The following PCDHGB6 variants were observed in gnomAD, a reference collection of about 807,000 sequenced individuals.
PCDHGB6 encodes the protein protocadherin gamma subfamily B, 6.
Under a neutral mutation model 59.1 loss-of-function variants are expected in PCDHGB6, and 51 were observed. The ratio of observed to expected loss-of-function variants is 0.86; its 90% CI spans 0.69 to 1.09. PCDHGB6 has a LOEUF of 1.09. Among genes scored for constraint, PCDHGB6 ranks in the 50% least tolerant of loss-of-function variants. The probability of loss-of-function intolerance (pLI) is 0.00; values close to 1 mark genes in which losing one functional copy is unlikely to be tolerated. For missense variants in PCDHGB6, 1,148 were observed against 1,205.1 expected (o/e 0.95, Z 0.70); for synonymous variants, 466 against 495.1 (o/e 0.94, Z 0.78).
chr5:141,433,162 A>G, intron 1 of PCDHGB6: 1 of 1,613,890 alleles, frequency 6.2e-7, no homozygotes, highest in Non-Finnish European at 8.5e-7. Flanking sequence ...TATTTTCTAA[A>G]GACAGTCATG....
chr5:141,422,397 C>T (rs753017439), intron 1 of PCDHGB6: 4 of 1,597,606 alleles, frequency 2.5e-6, no homozygotes, highest in East Asian at 4.5e-5. Context: ...TTCCTAACCA[C>T]CTGCCTTTTA....
Position 141,408,021 on chromosome 5 carries a change from A to C in PCDHGB6, c.-182A>C, listed in dbSNP as rs2095027284. ...TGGGATTCCCTGCGCAGCCAACAACAGAAAGAAGAAAACCAGCTCCCACAC... is the reference window on the plus strand; with the variant it reads ...TGGGATTCCCTGCGCAGCCAACAACCGAAAGAAGAAAACCAGCTCCCACAC... On this transcript the variant is annotated 5_prime_UTR_variant, in exon 1 of 4. Coordinates refer to ENST00000520790, the MANE Select transcript of PCDHGB6 (RefSeq NM_018926.3). 9.6e-7 allele frequency: 1 copy of C among 1,036,444 alleles called. No individual in the cohort carries two copies. Among genetic ancestry groups the C allele is most frequent in the Non-Finnish European group, 1.3e-6 (1 of 744,644 alleles). 64.2% of individuals were successfully genotyped at this position (1,036,444 alleles called of 1,614,324 possible).
At position 141,493,444 on chromosome 5, in the gene PCDHGB6, G is replaced by T. The variant is rs2099748313; in HGVS notation, c.2419-1363G>T. On this transcript the variant is annotated intron_variant, in intron 1 of 3. Transcript: ENST00000520790. This position sits in a 1 kb window ranked among gnomAD's most constrained non-coding sequence, Gnocchi z 4.3. ...GCTTCTGCTGGGATGGGGCAAGGGT[G>T]GGGTTCCTTCCCTTTTAGGACCTTA... Among the ~76,000 whole-genome samples, 1 of 152,174 alleles carries T rather than the reference G, an allele frequency of 6.6e-6. No homozygotes were observed. Among genetic ancestry groups the T allele is most frequent in the South Asian group, 2.1e-4 (1 of 4,826 alleles).
Position 141,477,968 on chromosome 5 carries a change from C to T in PCDHGB6, c.2419-16839C>T. 6.2e-7 allele frequency: 1 copy of T among 1,614,140 alleles called. No individual in the cohort carries two copies. Among genetic ancestry groups the T allele is most frequent in the Non-Finnish European group, 8.5e-7 (1 of 1,180,042 alleles). The stretch of plus-strand genomic sequence containing the variant: ...TCTCTTGGGATCCCCTAACCAGAGC[C>T]TTTTTGCCATAGGGCTGCACACTGG... On this transcript the variant is annotated intron_variant, in intron 1 of 3. Transcript: ENST00000520790. The surrounding 1 kb of genome is among the most constrained non-coding windows in gnomAD (Gnocchi z 4.9).
intron 1 of PCDHGB6, among the ~76,000 whole-genome samples, chr5:141,439,050 A>G (rs1353548752): frequency 1.3e-5 from 2 of 151,164 alleles, no homozygotes; most frequent in Non-Finnish European, 2.9e-5. Flanking sequence ...TAAGATTTCC[A>G]TATTGTGTGG....
chr5:141,424,061 CTGATT>C, intron 1 of PCDHGB6: 1 of 1,003,194 alleles, frequency 1.0e-6, no homozygotes, highest in Non-Finnish European at 1.2e-6. Flanking sequence ...TGTGCCTTCA[CTGATT>C]TGTAGTTATA....
chr5:141,432,215 C>T lies in PCDHGB6; in HGVS notation c.2418+21595C>T. The T allele has an allele frequency of 1.9e-6, 3 of 1,614,228 alleles. No individual in the cohort carries two copies. The highest frequency in any genetic ancestry group is 2.5e-6 in the Non-Finnish European group (3 of 1,180,036). The stretch of plus-strand genomic sequence containing the variant: ...CGACCCCGACTGTGAAGAGAACGCC[C>T]AGATCACTTATTCCCTGGCTGAGAA... On this transcript the variant is annotated intron_variant, in intron 1 of 3. Transcript: ENST00000520790. This position sits in a 1 kb window ranked among gnomAD's most constrained non-coding sequence, Gnocchi z 6.0.
In PCDHGB6 at chr5:141,418,429, A is replaced by G. The variant is rs765952024; in HGVS notation, c.2418+7809A>G. ...AGAAAGACAATCCTGATGGTGGCAAATATCCAGAATTAGTATTGCAGAAGA... is the reference window on the plus strand; with the variant it reads ...AGAAAGACAATCCTGATGGTGGCAAGTATCCAGAATTAGTATTGCAGAAGA... On this transcript the variant is annotated intron_variant, in intron 1 of 3. Transcript: ENST00000520790. 8.7e-6 allele frequency: 14 copies of G among 1,613,972 alleles called. No homozygotes were observed. In the South Asian group the frequency reaches 1.5e-4, roughly 18 times the overall value.
rs1444532577 is a variant in PCDHGB6 at position 141,410,442 on chromosome 5, C to G, written c.2240C>G (p.Thr747Ser). ...PVVPPNYSEGTLPYSYNLCIA... is the reference protein window; with the variant it reads ...PVVPPNYSEGSLPYSYNLCIA... ...GTTCCCCCCAACTACAGTGAGGGGA[C>G]TTTGCCTTATTCTTATAATCTGTGC... Residue 747 changes from threonine (T) to serine (S), a missense_variant, in exon 1 of 4, where the codon ACT becomes AGT. Thr to Ser is a moderately conservative substitution (Grantham distance 58, BLOSUM62 1). This residue lies in a region of PCDHGB6 where 283 missense variants were observed against 318.6 expected (regional missense o/e 0.89). Transcript: ENST00000520790. 6.2e-7 allele frequency: 1 copy of G among 1,613,942 alleles called. No individual in the cohort carries two copies. The highest frequency in any genetic ancestry group is 1.7e-5 in the Admixed American group (1 of 60,016).
intron 1 of PCDHGB6, chr5:141,416,530 G>C (rs976560428): frequency 6.6e-6 from 1 of 152,160 alleles, no homozygotes; most frequent in Non-Finnish European, 1.5e-5. Context: ...GCTCTTTAAT[G>C]TATAAGGAGG....
intron 1 of PCDHGB6, among the ~76,000 whole-genome samples, chr5:141,466,080 C>A (rs1186062704): frequency 6.6e-6 from 1 of 152,108 alleles, no homozygotes; most frequent in East Asian, 1.9e-4. Flanking sequence ...TGATATCATG[C>A]CACTGCACTC....
intron 1 of PCDHGB6, among the ~76,000 whole-genome samples, chr5:141,438,793 C>T (rs982191766): frequency 2.7e-5 from 4 of 149,544 alleles, no homozygotes; most frequent in African/African-American, 7.4e-5. Context: ...TCTCCAGTAG[C>T]TGGGATTACA....
intron 1 of PCDHGB6, chr5:141,413,430 C>T (rs745782366): frequency 6.2e-7 from 1 of 1,614,078 alleles, no homozygotes; most frequent in Admixed American, 1.7e-5. Context: ...ACCCGCGCAG[C>T]GGCAGCTTGA....
intron 1 of PCDHGB6, chr5:141,427,178 A>G (rs1175390589): frequency 4.4e-6 from 2 of 456,644 alleles, no homozygotes; most frequent in Admixed American, 2.3e-5. Flanking sequence ...AAAATGGGGA[A>G]ATTAAATCCA....
chr5:141,420,980 C>T (rs1463868271), intron 1 of PCDHGB6: 1 of 484,260 alleles, frequency 2.1e-6, no homozygotes, highest in Non-Finnish European at 3.6e-6. Flanking sequence ...AGAATGGGCT[C>T]TAGGCGCCGC....
rs747633858 is a variant in PCDHGB6, at chr5:141,491,133, C to T, written c.2419-3674C>T. 6.2e-6 allele frequency: 10 copies of T among 1,614,158 alleles called. No homozygotes were observed. In the South Asian group the frequency reaches 9.9e-5, roughly 16 times the overall value. The stretch of plus-strand genomic sequence containing the variant: ...CACACACTGGTGAGGTGCGCACAGC[C>T]CGGGCCTTACTGGAGGATGACTCTG... On this transcript the variant is annotated intron_variant, in intron 1 of 3. Transcript: ENST00000520790. The surrounding 1 kb of genome is among the most constrained non-coding windows in gnomAD (Gnocchi z 6.9).
intron 1 of PCDHGB6, among the ~76,000 whole-genome samples, chr5:141,445,668 G>C (rs899062385): frequency 6.6e-6 from 1 of 152,156 alleles, no homozygotes; most frequent in Non-Finnish European, 1.5e-5. Flanking sequence ...ATGAGTAGAA[G>C]TTATCTAGGT....
intron 1 of PCDHGB6, among the ~76,000 whole-genome samples, chr5:141,433,653 T>C (rs1030084681): frequency 6.6e-6 from 1 of 152,024 alleles, no homozygotes; most frequent in Non-Finnish European, 1.5e-5. Flanking sequence ...CTGACCAACA[T>C]GGAGAAACCC....
intron 1 of PCDHGB6, chr5:141,418,306 GA>G: frequency 6.2e-7 from 1 of 1,614,032 alleles, no homozygotes; most frequent in East Asian, 2.2e-5. Flanking sequence ...TCAGCCTGGG[GA>G]TGGGAACAAT....
Sources: gnomAD v4.1 joint callset for allele counts (sites outside exome capture counted in the v4.1 genomes callset) on GRCh38, gnomAD v4.1.1 for gene constraint, gnomAD v4.1.1 regional missense constraint, Gnocchi (gnomAD v3.1) non-coding constraint, MANE v1.5 for transcripts, NCBI Gene and HGNC (gene_info 2026-07-23, HGNC 2026-07-21) for gene names.